The following DLGAP2 variants were observed in gnomAD, a reference collection of about 807,000 sequenced individuals.
The protein encoded by DLGAP2 is DLG associated protein 2, also known as disks large-associated protein 2.
In DLGAP2, 26 loss-of-function variants were observed where a neutral mutation model predicts 100.3. The ratio of observed to expected loss-of-function variants is 0.26; its 90% CI spans 0.19 to 0.36. The LOEUF (loss-of-function observed/expected upper bound fraction) is 0.36, where lower values mean the gene tolerates loss of function less well. DLGAP2 is among the 10% of genes least tolerant of loss of function. The probability of loss-of-function intolerance (pLI) is 1.00; values close to 1 mark genes in which losing one functional copy is unlikely to be tolerated. For missense variants in DLGAP2, 1,858 were observed against 1,453.2 expected (o/e 1.28, Z -4.53); for synonymous variants, 886 against 630.1 (o/e 1.41, Z -6.08).
At chr8:1,595,475 A>T (rs1039413756) in intron 6 of DLGAP2, among the ~76,000 whole-genome samples, 2 of 150,942 alleles carry the variant, frequency 1.3e-5, no homozygotes, top group Non-Finnish European at 3.0e-5. Context: ...CATCCTGGCT[A>T]ACAAGGTGAA....
At chr8:1,608,619 G>A (rs1430088362) in intron 6 of DLGAP2, among the ~76,000 whole-genome samples, 1 of 134,002 alleles carries the variant, frequency 7.5e-6, no homozygotes, top group Non-Finnish European at 1.6e-5. Flanking sequence ...TCAAACCAAA[G>A]GCAAAGAAGT....
chr8:791,233 G>T (rs545191856), intron 1 of DLGAP2, among the ~76,000 whole-genome samples: 2 of 152,282 alleles, frequency 1.3e-5, no homozygotes, highest in Admixed American at 1.3e-4. Flanking sequence ...TTGATTACCA[G>T]TGGGGTTCCA....
chr8:763,226 A>C (rs992879409), intron 1 of DLGAP2, among the ~76,000 whole-genome samples: 3 of 152,206 alleles, frequency 2.0e-5, no homozygotes, highest in Admixed American at 2.0e-4. Context: ...CGGGATGAGG[A>C]CTGGGGTTAA....
intron 6 of DLGAP2, among the ~76,000 whole-genome samples, chr8:1,582,665 C>G (rs1167571301): frequency 6.6e-6 from 1 of 152,192 alleles, no homozygotes; most frequent in Non-Finnish European, 1.5e-5. Context: ...TCTCAGCTCA[C>G]TGCAACCTCT....
rs1323449892 is a variant in DLGAP2, at chr8:1,433,626, T to TG, written c.107-67738dup. Among the ~76,000 whole-genome samples the TG allele has an allele frequency of 7.4e-4, 105 of 142,246 alleles. No homozygotes were observed. The South Asian group carries it at 9.4e-3, about 13-fold the overall frequency. The allele number at this position is 142,246 out of a possible 152,430, so 93.3% of individuals were successfully genotyped here. A position where few individuals can be genotyped will look rare whatever the true frequency, so the allele number is the denominator to read the frequency against. On this transcript the variant is annotated intron_variant, in intron 3 of 14. Coordinates refer to ENST00000637795, the MANE Select transcript of DLGAP2 (RefSeq NM_001346810.2). ...GGGCAGCCAACGCAGCTGACCGACT[T>TG]GGAATTTTTTCTGTATCCACAAACA...
chr8:1,504,230 G>A lies in DLGAP2; in HGVS notation c.172+2799G>A, dbSNP rs114258019. 5.7e-3 allele frequency among the ~76,000 whole-genome samples: 868 copies of A among 151,858 alleles called. 12 individuals are homozygous for A. Among genetic ancestry groups the A allele is most frequent in the African/African-American group, 0.019 (790 of 41,414 alleles). On this transcript the variant is annotated intron_variant, in intron 4 of 14. Coordinates refer to ENST00000637795, the MANE Select transcript of DLGAP2 (RefSeq NM_001346810.2). Reference sequence around the variant, plus strand: ...TGCTTTTTTTTTTAATGGAAGAAACGCTTCTTGTTTTACTTTAAAAATATT... The same window carrying A: ...TGCTTTTTTTTTTAATGGAAGAAACACTTCTTGTTTTACTTTAAAAATATT...
intron 8 of DLGAP2, among the ~76,000 whole-genome samples, chr8:1,650,561 A>G (rs534908635): frequency 3.3e-4 from 51 of 152,372 alleles, no homozygotes; most frequent in Non-Finnish European, 1.9e-4. Flanking sequence ...CTTAACAGAA[A>G]TGAATTATTT....
At chr8:1,216,559 C>T (rs747803494) in intron 2 of DLGAP2, among the ~76,000 whole-genome samples, 5 of 152,108 alleles carry the variant, frequency 3.3e-5, no homozygotes, top group Admixed American at 1.3e-4. Context: ...GGACTTGAAC[C>T]TCCTGAGCTC....
chr8:1,131,067 A>G (rs1368414272), intron 2 of DLGAP2, among the ~76,000 whole-genome samples: 1 of 152,170 alleles, frequency 6.6e-6, no homozygotes, highest in Non-Finnish European at 1.5e-5. Flanking sequence ...AATTTTGAGA[A>G]AAAACATGTT....
chr8:1,234,517 A>G (rs950062287), intron 2 of DLGAP2, among the ~76,000 whole-genome samples: 4 of 152,094 alleles, frequency 2.6e-5, no homozygotes, highest in African/African-American at 9.7e-5. Flanking sequence ...CTCCTTAACC[A>G]TTTACAGCAA....
At chr8:1,032,591 CTGTGTG>C (rs1802007110) in intron 2 of DLGAP2, 1 of 152,166 alleles carries the variant, frequency 6.6e-6, no homozygotes, top group Non-Finnish European at 1.5e-5. Context: ...TTTAGGTCTG[CTGTGTG>C]CCAAAATATT....
chr8:1,293,217 C>G (rs577899269), intron 3 of DLGAP2, among the ~76,000 whole-genome samples: 2 of 152,218 alleles, frequency 1.3e-5, no homozygotes, highest in Non-Finnish European at 2.9e-5. Context: ...CTGTCTCCCT[C>G]TCACACACAC....
chr8:1,378,842 A>T lies in DLGAP2; in HGVS notation c.106+119959A>T, dbSNP rs555682251. 2.5e-4 allele frequency among the ~76,000 whole-genome samples: 38 copies of T among 152,198 alleles called. 1 individual carries two copies. The highest frequency in any genetic ancestry group is 8.7e-4 in the African/African-American group (36 of 41,528). ...CAAATCCTGATTCTCTTCTCTGAGG[A>T]GTCTGTGCCGTCCCCTTCAGGGCAG... is the stretch of plus-strand genomic sequence containing the variant. On this transcript the variant is annotated intron_variant, in intron 3 of 14. Transcript: ENST00000637795.
intron 2 of DLGAP2, among the ~76,000 whole-genome samples, chr8:1,218,408 G>A (rs987123290): frequency 3.3e-5 from 5 of 152,090 alleles, no homozygotes; most frequent in South Asian, 2.1e-4. Context: ...TAGGTGTGCC[G>A]CTTTATTTGG....
chr8:1,140,693 CG>C, intron 2 of DLGAP2, among the ~76,000 whole-genome samples: 1 of 152,180 alleles, frequency 6.6e-6, no homozygotes, highest in Non-Finnish European at 1.5e-5. Flanking sequence ...CTGCCTTGGC[CG>C]GGCACAATGA....
At chr8:1,074,910 C>T (rs1350720862) in intron 2 of DLGAP2, among the ~76,000 whole-genome samples, 1 of 152,238 alleles carries the variant, frequency 6.6e-6, no homozygotes, top group East Asian at 1.9e-4. Context: ...CAGTGAAACT[C>T]TCCTTGGTCA....
intron 1 of DLGAP2, among the ~76,000 whole-genome samples, chr8:876,417 C>G (rs1372907451): frequency 2.0e-5 from 3 of 152,132 alleles, no homozygotes; most frequent in Admixed American, 1.3e-4. Flanking sequence ...TCGTGATAGA[C>G]AGTTTTGTTT....
intron 2 of DLGAP2, among the ~76,000 whole-genome samples, chr8:956,216 G>A (rs1799593797): frequency 6.6e-6 from 1 of 152,204 alleles, no homozygotes; most frequent in African/African-American, 2.4e-5. Context: ...TGCAGTGGTG[G>A]ATGTGATATT....
At chr8:1,488,705 A>G (rs1261215681) in intron 3 of DLGAP2, among the ~76,000 whole-genome samples, 1 of 152,182 alleles carries the variant, frequency 6.6e-6, no homozygotes, top group East Asian at 1.9e-4. Flanking sequence ...TTAATTCTAC[A>G]ACATCTCCAA....
Sources: gnomAD v4.1 joint callset for allele counts (sites outside exome capture counted in the v4.1 genomes callset) on GRCh38, gnomAD v4.1.1 for gene constraint, MANE v1.5 for transcripts, NCBI Gene and HGNC (gene_info 2026-07-23, HGNC 2026-07-21) for gene names.